The following IRAG2 variants were observed in gnomAD, a reference collection of about 807,000 sequenced individuals.
IRAG2 encodes lymphoid restricted membrane protein.
IRAG2 carries 45 observed loss-of-function variants against 69.9 expected under a neutral mutation model. That is an observed-to-expected ratio of 0.64 (90% CI 0.51 to 0.83). IRAG2 has a LOEUF of 0.83. Among genes scored for constraint, IRAG2 ranks in the 40% least tolerant of loss-of-function variants. The pLI is 0.00. For synonymous variants in IRAG2, 193 were observed against 202.4 expected (o/e 0.95, Z 0.40); for missense variants, 520 against 587.0 (o/e 0.89, Z 1.18).
Position 25,079,469 on chromosome 12 carries a change from G to A in IRAG2, c.136+7G>A. The A allele has an allele frequency of 1.2e-6, 2 of 1,608,614 alleles. No individual in the cohort carries two copies. On this transcript the variant is annotated splice_region_variant and intron_variant, in intron 8 of 21. Coordinates refer to ENST00000556887, the MANE Select transcript of IRAG2 (RefSeq NM_001366544.2). ...GGTACTATAACTTCAAGTGGTAAGT[G>A]GATTTGGAAATAATATTAAAATAGA...
intron 6 of IRAG2, among the ~76,000 whole-genome samples, chr12:25,070,659 G>C (rs567578176): frequency 6.6e-6 from 1 of 152,274 alleles, no homozygotes; most frequent in Non-Finnish European, 1.5e-5. Context: ...TATTCCTGTG[G>C]CAGAGTTACT....
At chr12:25,006,297 G>T (rs1417906791) in intron 2 of IRAG2, 1 of 152,170 alleles carries the variant, frequency 6.6e-6, no homozygotes, top group African/African-American at 2.4e-5. Flanking sequence ...AATTAGTTCA[G>T]CCACTGTGGA....
At chr12:25,001,770 G>GTTT (rs71063385), upstream of IRAG2, among the ~76,000 whole-genome samples, 15 of 135,982 alleles carry the variant, frequency 1.1e-4, no homozygotes, top group Non-Finnish European at 1.6e-4. Context: ...TACTCTTTTG[G>GTTT]TTTTTTTTTT....
chr12:25,021,284 G>T (rs780197326), intron 7 of IRAG2, among the ~76,000 whole-genome samples: 8 of 150,848 alleles, frequency 5.3e-5, no homozygotes, highest in Admixed American at 1.3e-4. Flanking sequence ...TTTCAATCAA[G>T]ATTTAAATTT....
intron 3 of IRAG2, 110 bp downstream of exon 3, chr12:25,063,010 T>G: frequency 2.5e-6 from 1 of 396,556 alleles, no homozygotes; most frequent in Non-Finnish European, 4.4e-6. Context: ...CTGCATATAT[T>G]GCTTTTATCA....
chr12:25,023,919 G>A (rs1944602550), exon 8 of IRAG2: 2 of 1,227,148 alleles, frequency 1.6e-6, no homozygotes, highest in Non-Finnish European at 2.0e-6. Flanking sequence ...TCTACAGGAA[G>A]AGGTATGTCA....
chr12:25,016,561 A>G (rs886255788), intron 5 of IRAG2, among the ~76,000 whole-genome samples: 1 of 151,816 alleles, frequency 6.6e-6, no homozygotes, highest in African/African-American at 2.4e-5. Context: ...TCAGGAGTTC[A>G]AGACCAGCCT....
chr12:25,047,675 T>C (rs956907887), upstream of IRAG2, among the ~76,000 whole-genome samples: 1 of 152,104 alleles, frequency 6.6e-6, no homozygotes, highest in Non-Finnish European at 1.5e-5. Context: ...TGTGTTCTCA[T>C]CATTCAGCTA....
intron 6 of IRAG2, among the ~76,000 whole-genome samples, chr12:25,075,521 CGTGTGTGTGTGT>C (rs747046833): frequency 2.9e-5 from 4 of 139,268 alleles, no homozygotes; most frequent in Non-Finnish European, 4.7e-5. Flanking sequence ...TGTGTGTATG[CGTGTGTGTGTGT>C]GTGTGTGTGT....
chr12:25,088,287 A>T, intron 11 of IRAG2, 130 bp downstream of exon 11: 1 of 721,030 alleles, frequency 1.4e-6, no homozygotes. Context: ...AGTCAATAGG[A>T]CCGATTATTG....
chr12:25,048,539 C>T (rs1944816185), upstream of IRAG2, among the ~76,000 whole-genome samples: 1 of 152,122 alleles, frequency 6.6e-6, no homozygotes, highest in South Asian at 2.1e-4. Flanking sequence ...TCAAGCAATC[C>T]ACCCGCCTCA....
intron 10 of IRAG2, among the ~76,000 whole-genome samples, chr12:25,085,855 G>A (rs187352029): frequency 2.6e-4 from 39 of 148,746 alleles, no homozygotes; most frequent in Admixed American, 4.0e-4. Context: ...GGAAATCTGC[G>A]TGTGTTCAGT....
chr12:25,104,086 GGGAACCTTA>G, intron 19 of IRAG2, 28 bp downstream of exon 19: 1 of 1,598,588 alleles, frequency 6.3e-7, no homozygotes, highest in Non-Finnish European at 8.6e-7. Context: ...GTTCCTCTTT[GGGAACCTTA>G]CTATTTTATA....
chr12:25,006,519 A>G (rs1944432708), intron 2 of IRAG2: 1 of 152,258 alleles, frequency 6.6e-6, no homozygotes, highest in African/African-American at 2.4e-5. Flanking sequence ...TGGTACCTAC[A>G]CACCATGGAA....
chr12:25,049,593 T>C (rs7137927), upstream of IRAG2, among the ~76,000 whole-genome samples: 124,016 of 152,148 alleles, frequency 0.82, 51,687 homozygotes, highest in Middle Eastern at 0.95. Flanking sequence ...CGATAAATGG[T>C]CAAACAGGTG....
intron 1 of IRAG2, among the ~76,000 whole-genome samples, chr12:25,060,734 C>A (rs553197109): frequency 1.4e-5 from 2 of 141,186 alleles, no homozygotes; most frequent in Non-Finnish European, 3.0e-5. Context: ...GATCTTGGCT[C>A]ACTGCAACCT....
At chr12:25,003,605 T>A (rs1250080530), upstream of IRAG2, among the ~76,000 whole-genome samples, 2 of 152,192 alleles carry the variant, frequency 1.3e-5, no homozygotes, top group Non-Finnish European at 2.9e-5. Context: ...CCTTTTTTTT[T>A]AAAGGTCATA....
upstream of IRAG2, among the ~76,000 whole-genome samples, chr12:25,049,972 A>G (rs7307543): frequency 0.81 from 105,082 of 129,210 alleles, 43,673 homozygotes; most frequent in Non-Finnish European, 0.89. Flanking sequence ...AACACAGCGA[A>G]ACTGTGTCTC....
chr12:25,042,558 C>G (rs1049731443), intron 16 of IRAG2, among the ~76,000 whole-genome samples: 5 of 152,128 alleles, frequency 3.3e-5, no homozygotes, highest in Admixed American at 6.5e-5. Context: ...CTCTGCCTCC[C>G]AGGTTCAAGT....
Sources: gnomAD v4.1 joint callset for allele counts (sites outside exome capture counted in the v4.1 genomes callset) on GRCh38, gnomAD v4.1.1 for gene constraint, MANE v1.5 for transcripts, NCBI Gene and HGNC (gene_info 2026-07-23, HGNC 2026-07-21) for gene names.